MCF2L2: variants seen among roughly 807,000 people sequenced by gnomAD.
The protein encoded by MCF2L2 is MCF.2 cell line derived transforming sequence-like 2, also known as probable guanine nucleotide exchange factor MCF2L2.
Under a neutral mutation model 150.2 loss-of-function variants are expected in MCF2L2, and 102 were observed. That is an observed-to-expected ratio of 0.68 (90% CI 0.58 to 0.80). The LOEUF (loss-of-function observed/expected upper bound fraction) is 0.80. Ranked by LOEUF, MCF2L2 falls within the 30% of genes least tolerant of loss-of-function variation. The pLI, the probability that MCF2L2 is intolerant of heterozygous loss-of-function variation, is 0.00. For missense variants in MCF2L2, 1,256 were observed against 1,372.8 expected, an observed-to-expected ratio of 0.91 and a Z score of 1.34; for synonymous variants, 465 against 491.3, an observed-to-expected ratio of 0.95 and a Z score of 0.71.
At chr3:183,406,867 T>G (rs1481888222) in intron 1 of MCF2L2, among the ~76,000 whole-genome samples, 1 of 152,160 alleles carries the variant, frequency 6.6e-6, no homozygotes. Flanking sequence ...GAAAAAAAAA[T>G]GTCAACGTTA....
chr3:183,359,450 T>A (rs1711995590), intron 3 of MCF2L2, among the ~76,000 whole-genome samples: 1 of 152,224 alleles, frequency 6.6e-6, no homozygotes, highest in South Asian at 2.1e-4. Flanking sequence ...TTCTTATTCT[T>A]TAACAACTGT....
intron 2 of MCF2L2, among the ~76,000 whole-genome samples, chr3:183,379,760 T>C (rs1209061357): frequency 6.6e-6 from 1 of 152,210 alleles, no homozygotes; most frequent in Non-Finnish European, 1.5e-5. Context: ...TAATATTGCA[T>C]GGTGGTTAAG....
In MCF2L2 at chr3:183,404,542, CAAT is replaced by C. The variant is rs199744766; in HGVS notation, c.77-14766_77-14764del. On this transcript the variant is annotated intron_variant, in intron 1 of 29. Transcript: ENST00000328913. ...AACTTCACACTTACACTCTCTAATC[CAAT>C]AATATTTTCTAGAATTCTACTTGTA... Among the ~76,000 whole-genome samples, 776 of 152,272 alleles carry C rather than the reference CAAT, an allele frequency of 5.1e-3. 10 individuals carry two copies. The highest frequency in any genetic ancestry group is 0.017 in the African/African-American group (717 of 41,552).
intron 1 of MCF2L2, among the ~76,000 whole-genome samples, chr3:183,423,683 G>A (rs551657290): frequency 3.1e-5 from 4 of 130,358 alleles, no homozygotes; most frequent in African/African-American, 1.2e-4. Flanking sequence ...CTGTCACCCA[G>A]GCTGGAGTGC....
chr3:183,190,888 T>C (rs778891739), intron 27 of MCF2L2, among the ~76,000 whole-genome samples: 15 of 152,220 alleles, frequency 9.9e-5, no homozygotes, highest in Non-Finnish European at 1.5e-4. Flanking sequence ...AAGGCTTTAT[T>C]TTATTTTATT....
intron 1 of MCF2L2, among the ~76,000 whole-genome samples, chr3:183,411,147 AT>A (rs373801176): frequency 9.3e-5 from 14 of 150,210 alleles, no homozygotes; most frequent in Admixed American, 1.3e-4. Context: ...AAAGGAGCTA[AT>A]TTTTTTTTTG....
At chr3:183,281,340 G>A (rs911300500) in intron 14 of MCF2L2, among the ~76,000 whole-genome samples, 1 of 151,482 alleles carries the variant, frequency 6.6e-6, no homozygotes, top group African/African-American at 2.4e-5. Context: ...AGAACTGACG[G>A]GCAAAAGAGG....
rs542999451 is a variant in MCF2L2, at chr3:183,297,185, T to C, written c.1306-18A>G. ...TGGCTGACCTTTTGGAAAGAAACAG[T>C]GCCCTGTGCACTTCGCCTGACCACA... On this transcript the variant is annotated intron_variant, in intron 11 of 29. Coordinates refer to ENST00000328913, the MANE Select transcript of MCF2L2 (RefSeq NM_015078.4). 5.3e-5 allele frequency: 86 copies of C among 1,610,544 alleles called. 1 individual carries two copies. The South Asian group carries it at 8.9e-4, about 17-fold the overall frequency.
At chr3:183,367,857 A>C (rs79183804) in intron 3 of MCF2L2, among the ~76,000 whole-genome samples, 6,095 of 152,286 alleles carry the variant, frequency 0.04, 340 homozygotes, top group African/African-American at 0.12. Flanking sequence ...CATTTTTCAC[A>C]GTAAAGAAAC....
intron 15 of MCF2L2, among the ~76,000 whole-genome samples, chr3:183,234,709 T>TTTTTTA (rs1491223299): frequency 8.2e-6 from 1 of 122,154 alleles, no homozygotes; most frequent in African/African-American, 3.0e-5. Context: ...TTTTTTTTTT[T>TTTTTTA]ATTATACTCT....
chr3:183,384,118 A>C (rs1713692078), intron 2 of MCF2L2, among the ~76,000 whole-genome samples: 1 of 152,234 alleles, frequency 6.6e-6, no homozygotes, highest in Non-Finnish European at 1.5e-5. Flanking sequence ...AAGAGTAAGA[A>C]CTTAATTTCT....
Position 183,223,358 on chromosome 3 carries a change from C to T in MCF2L2, c.2289G>A (p.Gln763=), listed in dbSNP as rs1367310710. ...TCATTGATTTTACCTTCAACAGCAT[C>T]TGGTATTTTATAAGTCTCTGGCTTG... ...KGPSQRLIKY[Q]MLLKGLLDFE... is the part of the protein sequence containing the mutation. The change falls in exon 20 of 30, where the codon CAG becomes CAA. Residue 763 remains glutamine, a synonymous_variant. Transcript: ENST00000328913. The T allele has an allele frequency of 6.2e-7, 1 of 1,613,472 alleles. No homozygotes were observed. Among genetic ancestry groups the T allele is most frequent in the Non-Finnish European group, 8.5e-7 (1 of 1,179,456 alleles).
At chr3:183,200,375 A>G (rs1024059886) in intron 25 of MCF2L2, among the ~76,000 whole-genome samples, 1 of 152,214 alleles carries the variant, frequency 6.6e-6, no homozygotes, top group African/African-American at 2.4e-5. Context: ...TCTGATGGCC[A>G]GTGATGATGA....
At position 183,270,546 on chromosome 3, in the gene MCF2L2, C is replaced by T; in HGVS notation, c.1862+6326G>A. On this transcript the variant is annotated intron_variant, in intron 15 of 29. Coordinates refer to ENST00000328913, the MANE Select transcript of MCF2L2 (RefSeq NM_015078.4). This position sits in a 1 kb window ranked among gnomAD's most constrained non-coding sequence, Gnocchi z 4.5. ...TGAAATGTACCAGTGGCCAGCTTAC[C>T]CTGACTACACAGCCGGAGCTGCCTA... 2 of 1,614,152 alleles carry T rather than the reference C, an allele frequency of 1.2e-6. No homozygotes were observed. Among genetic ancestry groups the T allele is most frequent in the Non-Finnish European group, 1.7e-6 (2 of 1,180,014 alleles).
rs1219223447 is a variant in MCF2L2, at chr3:183,351,657, T to C, written c.276-10027A>G. ...CTTACTGGAAGAAATCAAACTACTA[T>C]TCAGGACTGTCTATGTTTGCTGATG... On this transcript the variant is annotated intron_variant, in intron 3 of 29. Transcript: ENST00000328913. 2.0e-5 allele frequency among the ~76,000 whole-genome samples: 3 copies of C among 152,286 alleles called. No individual in the cohort carries two copies. In the East Asian group the frequency reaches 5.8e-4, roughly 29 times the overall value.
chr3:183,269,863 C>T, intron 15 of MCF2L2: 1 of 1,613,840 alleles, frequency 6.2e-7, no homozygotes, highest in Non-Finnish European at 8.5e-7. Flanking sequence ...TTATTTGCTA[C>T]TTGTTTTTTA....
intron 3 of MCF2L2, among the ~76,000 whole-genome samples, chr3:183,350,954 T>C (rs1731091218): frequency 6.6e-6 from 1 of 151,472 alleles, no homozygotes; most frequent in South Asian, 2.1e-4. Context: ...AGACCAATGC[T>C]CATGCCACAA....
chr3:183,331,775 T>G (rs534648116), intron 5 of MCF2L2, among the ~76,000 whole-genome samples: 1 of 152,198 alleles, frequency 6.6e-6, no homozygotes, highest in Non-Finnish European at 1.5e-5. Context: ...GAGGATCACT[T>G]GAGCCCAGGA....
intron 27 of MCF2L2, among the ~76,000 whole-genome samples, chr3:183,186,309 G>A (rs919102922): frequency 3.3e-5 from 5 of 152,112 alleles, no homozygotes; most frequent in Non-Finnish European, 1.5e-5. Flanking sequence ...GGAGAGGTGC[G>A]GTGGTACAAT....
Sources: allele counts gnomAD v4.1 joint callset (sites outside exome capture counted in the v4.1 genomes callset), GRCh38; gene constraint gnomAD v4.1.1; non-coding constraint Gnocchi (gnomAD v3.1); transcripts MANE v1.5; gene names NCBI Gene and HGNC (gene_info 2026-07-23, HGNC 2026-07-21).